The following CFAP54 variants were observed in gnomAD, a reference collection of about 807,000 sequenced individuals.
CFAP54 encodes cilia and flagella associated protein 54.
CFAP54 carries 290 observed loss-of-function variants against 370.4 expected under a neutral mutation model. The ratio of observed to expected loss-of-function variants is 0.78; its 90% CI spans 0.71 to 0.86. CFAP54 has a LOEUF of 0.86. CFAP54 is among the 40% of genes least tolerant of loss of function. The pLI, the probability that CFAP54 is intolerant of heterozygous loss-of-function variation, is 0.00. For missense variants in CFAP54, 3,399 were observed against 3,528.7 expected, an observed-to-expected ratio of 0.96 and a Z score of 0.93; for synonymous variants, 1,206 against 1,236.5, an observed-to-expected ratio of 0.98 and a Z score of 0.52.
intron 40 of CFAP54, among the ~76,000 whole-genome samples, chr12:96,680,299 A>G (rs1957255681): frequency 6.6e-6 from 1 of 152,296 alleles, no homozygotes; most frequent in South Asian, 2.1e-4. Context: ...TGTAACATCT[A>G]TCTGCTTGTG....
intron 62 of CFAP54, among the ~76,000 whole-genome samples, chr12:96,790,957 A>G (rs923787808): frequency 2.0e-5 from 3 of 152,212 alleles, no homozygotes; most frequent in Non-Finnish European, 4.4e-5. Flanking sequence ...ATTCACAGTC[A>G]TATTATATCT....
intron 4 of CFAP54, among the ~76,000 whole-genome samples, chr12:96,508,817 A>G (rs1955135899): frequency 6.6e-6 from 1 of 151,870 alleles, no homozygotes; most frequent in African/African-American, 2.4e-5. Context: ...TATTGCAGAT[A>G]TCCATACAGG....
chr12:96,849,546 A>C (rs1959475883), intron 66 of CFAP54, among the ~76,000 whole-genome samples: 1 of 152,244 alleles, frequency 6.6e-6, no homozygotes, highest in African/African-American at 2.4e-5. Context: ...TGAAGACTAC[A>C]TGATTTTCCT....
intron 66 of CFAP54, among the ~76,000 whole-genome samples, chr12:96,855,143 A>G (rs1269125822): frequency 6.6e-6 from 1 of 152,148 alleles, no homozygotes; most frequent in Non-Finnish European, 1.5e-5. Flanking sequence ...GAACTCACTC[A>G]CTATTACGAG....
intron 1 of CFAP54, among the ~76,000 whole-genome samples, chr12:96,500,398 A>G (rs1955012901): frequency 6.6e-6 from 1 of 152,206 alleles, no homozygotes; most frequent in Non-Finnish European, 1.5e-5. Context: ...CATTTGTCCA[A>G]ACTCATGGAA....
At chr12:96,855,315 C>T (rs923446647) in intron 66 of CFAP54, among the ~76,000 whole-genome samples, 1 of 152,164 alleles carries the variant, frequency 6.6e-6, no homozygotes, top group African/African-American at 2.4e-5. Flanking sequence ...CTCATGTCCT[C>T]ACAATTCAAA....
chr12:96,769,537 G>A (rs1371730851), intron 60 of CFAP54, among the ~76,000 whole-genome samples: 1 of 152,218 alleles, frequency 6.6e-6, no homozygotes, highest in Non-Finnish European at 1.5e-5. Flanking sequence ...AGACTGCTCT[G>A]TCTTGGCTCC....
At chr12:96,839,894 C>G (rs1332814344) in intron 66 of CFAP54, among the ~76,000 whole-genome samples, 2 of 152,152 alleles carry the variant, frequency 1.3e-5, no homozygotes, top group Non-Finnish European at 2.9e-5. Context: ...CTGGTTGGGC[C>G]TCCTCACAAC....
chr12:96,545,483 C>T (rs759923321), intron 14 of CFAP54, among the ~76,000 whole-genome samples: 7 of 152,078 alleles, frequency 4.6e-5, no homozygotes, highest in Non-Finnish European at 1.0e-4. Context: ...TTTTAAAAAA[C>T]AAACAATATA....
chr12:96,870,726 G>A (rs1960137696), intron 67 of CFAP54, among the ~76,000 whole-genome samples: 1 of 152,144 alleles, frequency 6.6e-6, no homozygotes, highest in South Asian at 2.1e-4. Flanking sequence ...CATTTCTGGT[G>A]ATAGCAGAGT....
At chr12:96,690,711 G>A (rs777880534) in intron 43 of CFAP54, among the ~76,000 whole-genome samples, 72 of 152,016 alleles carry the variant, frequency 4.7e-4, no homozygotes, top group Non-Finnish European at 7.8e-4. Flanking sequence ...TTCTGCCATC[G>A]TTAGCTGTGT....
chr12:96,659,864 TTTC>T (rs1403691980), intron 38 of CFAP54, among the ~76,000 whole-genome samples: 1 of 152,172 alleles, frequency 6.6e-6, no homozygotes, highest in Non-Finnish European at 1.5e-5. Context: ...AGGACTCAAT[TTTC>T]TTCTTCTCAC....
chr12:96,626,932 T>C lies in CFAP54; in HGVS notation c.4096T>C (p.Leu1366=). The C allele has an allele frequency of 1.5e-6, 2 of 1,366,700 alleles. 1 individual carries two copies. Among genetic ancestry groups the C allele is most frequent in the Middle Eastern group, 3.8e-4 (2 of 5,248 alleles). 84.7% of individuals were successfully genotyped at this position (1,366,700 alleles called of 1,614,324 possible). A position where few individuals can be genotyped will look rare whatever the true frequency, so the allele number is the denominator to read the frequency against. The change falls in exon 30 of 68, where the codon TTG becomes CTG. Residue 1366 remains leucine, a synonymous_variant. Coordinates refer to ENST00000524981, the MANE Select transcript of CFAP54 (RefSeq NM_001306084.2). ...VEVTTPVHDF[L]KRRNESLLGL... ...GGTAACAACTCCTGTCCATGACTTC[T>C]TGAAAAGGTACTTGCAATTATCAGT...
In CFAP54 at chr12:96,777,855, ATTAG is replaced by A. The variant is rs1958535928; in HGVS notation, c.8282-6861_8282-6858del. ...TAACACATTTGTTCCAGGATAAACC[ATTAG>A]ATTCAGAAAAAGTTGCCAATCATTG... On this transcript the variant is annotated intron_variant, in intron 60 of 67. Transcript: ENST00000524981. 2.6e-5 allele frequency among the ~76,000 whole-genome samples: 4 copies of A among 152,206 alleles called. No homozygotes were observed. The East Asian group carries it at 7.7e-4, about 29-fold the overall frequency.
intron 62 of CFAP54, 143 bp downstream of exon 62, chr12:96,787,041 C>G (rs1394689375): frequency 4.5e-6 from 3 of 663,404 alleles, no homozygotes; most frequent in Non-Finnish European, 7.6e-6. Flanking sequence ...CCTGTGTTAC[C>G]ATGTGGATAG....
chr12:96,526,639 A>G (rs975088484), intron 8 of CFAP54, among the ~76,000 whole-genome samples: 1 of 152,226 alleles, frequency 6.6e-6, no homozygotes, highest in Admixed American at 6.5e-5. Flanking sequence ...TGAAGATACT[A>G]TAAAGCATAT....
intron 19 of CFAP54, among the ~76,000 whole-genome samples, chr12:96,566,298 G>T (rs765060322): frequency 3.9e-5 from 6 of 152,190 alleles, no homozygotes; most frequent in Non-Finnish European, 8.8e-5. Context: ...ATAATGTGGA[G>T]AGTGGGGAGG....
At chr12:96,534,947 T>A (rs1955485706) in intron 11 of CFAP54, among the ~76,000 whole-genome samples, 1 of 152,020 alleles carries the variant, frequency 6.6e-6, no homozygotes, top group Non-Finnish European at 1.5e-5. Context: ...TGTTGGAATG[T>A]TGGATTTATG....
At chr12:96,727,887 C>T (rs376669767) in intron 50 of CFAP54, among the ~76,000 whole-genome samples, 35,330 of 150,920 alleles carry the variant, frequency 0.23, 4,239 homozygotes, top group South Asian at 0.28. Context: ...GACAAAATCT[C>T]TCAGCATTTG....
Sources: gnomAD v4.1 joint callset for allele counts (sites outside exome capture counted in the v4.1 genomes callset) on GRCh38, gnomAD v4.1.1 for gene constraint, MANE v1.5 for transcripts, NCBI Gene and HGNC (gene_info 2026-07-23, HGNC 2026-07-21) for gene names.